Variants in DOCK2 observed in about 807,000 individuals in gnomAD.
DOCK2 encodes the protein dedicator of cytokinesis 2, also known as dedicator of cytokinesis protein 2.
A neutral mutation model predicts 248.9 loss-of-function variants in DOCK2; 87 were observed. That is an observed-to-expected ratio of 0.35 (90% CI 0.29 to 0.42). The LOEUF (loss-of-function observed/expected upper bound fraction) is 0.42. Ranked by LOEUF, DOCK2 falls within the 10% of genes least tolerant of loss-of-function variation. DOCK2 has a pLI of 1.00. For synonymous variants in DOCK2, 805 were observed against 821.6 expected (o/e 0.98, Z 0.35); for missense variants, 1,747 against 2,300.2 (o/e 0.76, Z 4.92).
intron 27 of DOCK2, among the ~76,000 whole-genome samples, chr5:169,926,251 T>A (rs1775448960): frequency 6.6e-6 from 1 of 152,190 alleles, no homozygotes; most frequent in East Asian, 1.9e-4. Context: ...CCTGATTGTC[T>A]CTCACCTGCC....
intron 27 of DOCK2, among the ~76,000 whole-genome samples, chr5:169,843,196 G>A (rs1168149192): frequency 6.6e-6 from 1 of 152,048 alleles, no homozygotes; most frequent in African/African-American, 2.4e-5. Context: ...ATTCCTTCTT[G>A]TACCTTTCAA....
chr5:170,044,889 A>G (rs535876007), intron 38 of DOCK2, among the ~76,000 whole-genome samples: 178 of 152,210 alleles, frequency 1.2e-3, no homozygotes, highest in Non-Finnish European at 2.1e-3. Flanking sequence ...TGTAATGGCT[A>G]TCCCTAGAGA....
Position 170,050,416 on chromosome 5 carries a change from C to G in DOCK2, c.4213+19C>G. On this transcript the variant is annotated intron_variant, in intron 41 of 51. Coordinates refer to ENST00000520908, the MANE Select transcript of DOCK2 (RefSeq NM_004946.3). The stretch of plus-strand genomic sequence containing the variant: ...GGCCAGTGTATCCTTGGAGAATGCC[C>G]TAGCCAAGGGGCCAGACCTGAGCAG... The G allele has an allele frequency of 1.2e-6, 2 of 1,611,980 alleles. No individual in the cohort carries two copies. The highest frequency in any genetic ancestry group is 2.2e-5 in the East Asian group (1 of 44,860).
intron 20 of DOCK2, 55 bp downstream of exon 20, chr5:169,716,357 T>G: frequency 2.5e-6 from 4 of 1,569,482 alleles, no homozygotes; most frequent in Non-Finnish European, 3.5e-6. Context: ...TATGTCTTAC[T>G]GTGAAAATAC....
chr5:169,846,101 G>T (rs1770283248), intron 27 of DOCK2, among the ~76,000 whole-genome samples: 1 of 152,128 alleles, frequency 6.6e-6, no homozygotes, highest in East Asian at 1.9e-4. Context: ...TGATTTTTTT[G>T]GTTAGTTTCC....
chr5:169,926,815 T>C lies in DOCK2; in HGVS notation c.2800-56253T>C, dbSNP rs367956256. Among the ~76,000 whole-genome samples the C allele has an allele frequency of 1.9e-4, 29 of 152,322 alleles. No homozygotes were observed. The South Asian group carries it at 2.1e-3, about 11-fold the overall frequency. On this transcript the variant is annotated intron_variant, in intron 27 of 51. Transcript: ENST00000520908. Reference sequence around the variant, plus strand: ...TGAGCTTTTACTGCATCTCAGGCACTGCAGTGGAAACACAGGATGAACTAG... The same window carrying C: ...TGAGCTTTTACTGCATCTCAGGCACCGCAGTGGAAACACAGGATGAACTAG...
At chr5:169,985,498 G>A in intron 28 of DOCK2, among the ~76,000 whole-genome samples, 1 of 151,996 alleles carries the variant, frequency 6.6e-6, no homozygotes, top group Admixed American at 6.6e-5. Context: ...TTCATACAGT[G>A]AGATTATTTC....
At chr5:170,052,771 G>A (rs1402001107) in intron 41 of DOCK2, among the ~76,000 whole-genome samples, 1 of 152,132 alleles carries the variant, frequency 6.6e-6, no homozygotes, top group Non-Finnish European at 1.5e-5. Context: ...TACACGCATT[G>A]TTGTTTTACC....
intron 14 of DOCK2, among the ~76,000 whole-genome samples, chr5:169,704,879 C>G (rs1211291466): frequency 6.6e-6 from 1 of 151,918 alleles, no homozygotes; most frequent in African/African-American, 2.4e-5. Flanking sequence ...AATAAACATG[C>G]TGCTGGGCAC....
intron 25 of DOCK2, among the ~76,000 whole-genome samples, chr5:169,768,767 T>A (rs1764925572): frequency 6.6e-6 from 1 of 152,218 alleles, no homozygotes; most frequent in Non-Finnish European, 1.5e-5. Flanking sequence ...TCTCAGGATG[T>A]GCTCTAGCCT....
rs779954056 is a variant in DOCK2, at chr5:170,047,626, G to A, written c.4071+12G>A. ...CCTCCTTCCTGCGGGTGAGTTTGGGGGTGACTTGGACACCAGGCGAGAGCC... is the reference window on the plus strand; with the variant it reads ...CCTCCTTCCTGCGGGTGAGTTTGGGAGTGACTTGGACACCAGGCGAGAGCC... On this transcript the variant is annotated intron_variant, in intron 40 of 51. Coordinates refer to ENST00000520908, the MANE Select transcript of DOCK2 (RefSeq NM_004946.3). The A allele has an allele frequency of 9.3e-6, 15 of 1,612,876 alleles. No homozygotes were observed. The highest frequency in any genetic ancestry group is 1.7e-5 in the Admixed American group (1 of 59,910).
At chr5:169,698,702 T>C (rs183323124) in intron 11 of DOCK2, among the ~76,000 whole-genome samples, 4 of 152,370 alleles carry the variant, frequency 2.6e-5, no homozygotes, top group East Asian at 3.9e-4. Context: ...GGCACTGTGC[T>C]AGGTGTGGAG....
chr5:170,035,240 C>T (rs9313486), intron 35 of DOCK2, among the ~76,000 whole-genome samples: 4,152 of 152,210 alleles, frequency 0.027, 171 homozygotes, highest in African/African-American at 0.094. Context: ...TCATATTCAC[C>T]GTGTCATCCC....
chr5:169,879,377 T>C (rs1239540114), intron 27 of DOCK2, among the ~76,000 whole-genome samples: 1 of 152,160 alleles, frequency 6.6e-6, no homozygotes. Flanking sequence ...TAAAAAAAAA[T>C]GACAACTCTC....
At position 169,692,615 on chromosome 5, in the gene DOCK2, G is replaced by A. The variant is rs539419540; in HGVS notation, c.844-3188G>A. ...AGCAAGTAAAAAATTGTTAAGAGAA[G>A]AAGGTGGAATGGGGGCTTACCTGGG... On this transcript the variant is annotated intron_variant, in intron 9 of 51. Transcript: ENST00000520908. Among the ~76,000 whole-genome samples the A allele has an allele frequency of 2.0e-5, 3 of 152,084 alleles. No homozygotes were observed. The South Asian group carries it at 6.2e-4, about 32-fold the overall frequency.
chr5:170,062,112 T>G (rs1024178724), intron 44 of DOCK2, among the ~76,000 whole-genome samples: 50 of 150,598 alleles, frequency 3.3e-4, no homozygotes, highest in Middle Eastern at 3.4e-3. Flanking sequence ...TGTGTGTGTG[T>G]GTGTGTGTGT....
At position 169,660,418 on chromosome 5, in the gene DOCK2, C is replaced by T. The variant is rs560401412; in HGVS notation, c.127+5932C>T. 6.6e-5 allele frequency among the ~76,000 whole-genome samples: 10 copies of T among 152,256 alleles called. No individual in the cohort carries two copies. The East Asian group carries it at 1.7e-3, about 26-fold the overall frequency. On this transcript the variant is annotated intron_variant, in intron 2 of 51. Coordinates refer to ENST00000520908, the MANE Select transcript of DOCK2 (RefSeq NM_004946.3). ...AGCATCCTCTGCTTTGAAAAAATAGCGCATTGCTTTTGTTGTTGCTGTTTT... is the reference window on the plus strand; with the variant it reads ...AGCATCCTCTGCTTTGAAAAAATAGTGCATTGCTTTTGTTGTTGCTGTTTT...
Position 170,040,936 on chromosome 5 carries a change from G to A in DOCK2, c.3666-119G>A. The A allele has an allele frequency of 7.9e-6, 6 of 756,540 alleles. No homozygotes were observed. In the South Asian group the frequency reaches 8.0e-5, roughly 10 times the overall value. 46.9% of individuals were successfully genotyped at this position (756,540 alleles called of 1,614,324 possible). On this transcript the variant is annotated intron_variant, in intron 36 of 51. Transcript: ENST00000520908. ...ACACAAAGTTCTGGTTATCCAGGGA[G>A]GAGGACTTTCTTGCGACCCAGAGAG...
intron 47 of DOCK2, among the ~76,000 whole-genome samples, chr5:170,077,219 C>T (rs1757866752): frequency 6.6e-6 from 1 of 152,204 alleles, no homozygotes; most frequent in Admixed American, 6.5e-5. Flanking sequence ...GAGAAGTTCA[C>T]TAGAGCCTAA....
Sources: allele counts gnomAD v4.1 joint callset (sites outside exome capture counted in the v4.1 genomes callset), GRCh38; gene constraint gnomAD v4.1.1; transcripts MANE v1.5; gene names NCBI Gene and HGNC (gene_info 2026-07-23, HGNC 2026-07-21).